Variants in PRRX2 observed in about 807,000 individuals in gnomAD.
PRRX2 encodes paired related homeobox 2.
In PRRX2, 11 loss-of-function variants were observed where a neutral mutation model predicts 18.0. The observed-to-expected ratio is 0.61, with a 90% confidence interval of 0.39 to 1.01. PRRX2 has a LOEUF of 1.01. Ranked by LOEUF, PRRX2 falls within the 50% of genes least tolerant of loss-of-function variation. The probability of loss-of-function intolerance (pLI) is 0.01; values close to 1 mark genes in which losing one functional copy is unlikely to be tolerated. For missense variants in PRRX2, 387 were observed against 351.0 expected (o/e 1.10, Z -0.82); for synonymous variants, 177 against 154.8 (o/e 1.14, Z -1.06).
chr9:129,718,219 G>A (rs911530897), intron 1 of PRRX2, among the ~76,000 whole-genome samples: 3 of 152,062 alleles, frequency 2.0e-5, no homozygotes, highest in African/African-American at 7.2e-5. Flanking sequence ...ATCCTCCACC[G>A]CCCCTGCTGG....
At chr9:129,666,815 G>C (rs1464674944) in intron 1 of PRRX2, among the ~76,000 whole-genome samples, 1 of 152,202 alleles carries the variant, frequency 6.6e-6, no homozygotes, top group South Asian at 2.1e-4. Context: ...CGGTTCAGTG[G>C]GGGAGGGGAG....
chr9:129,684,509 CACACACACA>C (rs770837105), intron 1 of PRRX2, among the ~76,000 whole-genome samples: 3 of 53,976 alleles, frequency 5.6e-5, no homozygotes, highest in South Asian at 1.0e-3. Context: ...CACACACACA[CACACACACA>C]CACACCCACA....
At chr9:129,687,470 A>T (rs567218061) in intron 1 of PRRX2, among the ~76,000 whole-genome samples, 3 of 152,264 alleles carry the variant, frequency 2.0e-5, no homozygotes, top group African/African-American at 7.2e-5. Flanking sequence ...CACAGAGAGG[A>T]GGAGCCGCGT....
chr9:129,700,775 G>C (rs1832483950), intron 1 of PRRX2, among the ~76,000 whole-genome samples: 1 of 152,104 alleles, frequency 6.6e-6, no homozygotes, highest in Non-Finnish European at 1.5e-5. Context: ...GTGCCACCAT[G>C]CCCGGCTAAT....
rs1291907157 is a variant in PRRX2, at chr9:129,695,236, A to T, written c.260-23995A>T. 6.6e-6 allele frequency among the ~76,000 whole-genome samples: 1 copy of T among 152,024 alleles called. No homozygotes were observed. Among genetic ancestry groups the T allele is most frequent in the Non-Finnish European group, 1.5e-5 (1 of 67,980 alleles). Reference sequence around the variant, plus strand: ...CGTGAGTGTGGATAGGTGGCCCGTAATCAACACTCCCTCCAGAGGTTTCTG... The same window carrying T: ...CGTGAGTGTGGATAGGTGGCCCGTATTCAACACTCCCTCCAGAGGTTTCTG... On this transcript the variant is annotated intron_variant, in intron 1 of 3. Transcript: ENST00000372469. The surrounding 1 kb of genome is among the most constrained non-coding windows in gnomAD (Gnocchi z 4.8).
At chr9:129,699,037 C>T (rs1832463911) in intron 1 of PRRX2, among the ~76,000 whole-genome samples, 1 of 152,252 alleles carries the variant, frequency 6.6e-6, no homozygotes, top group Non-Finnish European at 1.5e-5. Context: ...TGTGCCTGTT[C>T]CTCTGACTAT....
rs1832803246 is a variant in PRRX2 at position 129,722,275 on chromosome 9, G to T, written c.685G>T (p.Ala229Ser). ...SGPATPGVNM[A>S]NSIASLRLKA... ...CCCCGCAACCCCAGGGGTCAACATG[G>T]CCAACAGCATCGCCAGCCTCCGTCT... is the stretch of plus-strand genomic sequence containing the variant. Residue 229 changes from alanine (A) to serine (S), a missense_variant, in exon 4 of 4, where the codon GCC becomes TCC. Physicochemically the swap from Ala to Ser is moderately conservative, Grantham distance 99 (BLOSUM62 1). Coordinates refer to ENST00000372469, the MANE Select transcript of PRRX2 (RefSeq NM_016307.4). 10 of 1,613,986 alleles carry T rather than the reference G, an allele frequency of 6.2e-6. No individual in the cohort carries two copies. Among genetic ancestry groups the T allele is most frequent in the Non-Finnish European group, 8.5e-6 (10 of 1,180,006 alleles).
intron 1 of PRRX2, among the ~76,000 whole-genome samples, chr9:129,706,148 A>G (rs1439599514): frequency 2.0e-5 from 3 of 152,096 alleles, no homozygotes; most frequent in African/African-American, 7.2e-5. Context: ...TCACCCATTT[A>G]AAGTGCACAG....
At chr9:129,714,073 C>CA (rs1294481944) in intron 1 of PRRX2, among the ~76,000 whole-genome samples, 1 of 151,446 alleles carries the variant, frequency 6.6e-6, no homozygotes, top group Non-Finnish European at 1.5e-5. Flanking sequence ...GAGGCCAAGG[C>CA]AGGTGGATCA....
At chr9:129,702,180 G>A (rs1437450142) in intron 1 of PRRX2, among the ~76,000 whole-genome samples, 1 of 152,024 alleles carries the variant, frequency 6.6e-6, no homozygotes, top group Non-Finnish European at 1.5e-5. Context: ...GGTGGATCAC[G>A]AGGTCAGGAG....
chr9:129,684,455 CA>C (rs879897207), intron 1 of PRRX2, among the ~76,000 whole-genome samples: 8,411 of 140,920 alleles, frequency 0.06, 463 homozygotes, highest in East Asian at 0.18. Context: ...CACACACACA[CA>C]CACCCAACAG....
At chr9:129,673,620 A>C (rs1015729170) in intron 1 of PRRX2, among the ~76,000 whole-genome samples, 1 of 151,426 alleles carries the variant, frequency 6.6e-6, no homozygotes, top group Admixed American at 6.6e-5. Context: ...ACTCCCAGAC[A>C]CAAAGACACA....
intron 1 of PRRX2, among the ~76,000 whole-genome samples, chr9:129,708,178 G>A (rs764692177): frequency 2.2e-4 from 33 of 152,136 alleles, no homozygotes; most frequent in Non-Finnish European, 4.4e-5. Context: ...TGGGATTTCA[G>A]GTACCTGCCA....
rs1414894220 is a variant in PRRX2, at chr9:129,675,527, G to T, written c.259+9401G>T. ...CCTGCTACCCTCCCTCCCCCATGGG[G>T]TCCCCTCAAAGGGCTCTCTTGGGGA... On this transcript the variant is annotated intron_variant, in intron 1 of 3. Coordinates refer to ENST00000372469, the MANE Select transcript of PRRX2 (RefSeq NM_016307.4). This position sits in a 1 kb window ranked among gnomAD's most constrained non-coding sequence, Gnocchi z 4.4. 6.6e-6 allele frequency among the ~76,000 whole-genome samples: 1 copy of T among 151,658 alleles called. No individual in the cohort carries two copies. Among genetic ancestry groups the T allele is most frequent in the Non-Finnish European group, 1.5e-5 (1 of 67,836 alleles).
chr9:129,701,495 C>A (rs759199988), intron 1 of PRRX2, among the ~76,000 whole-genome samples: 1 of 152,176 alleles, frequency 6.6e-6, no homozygotes, highest in African/African-American at 2.4e-5. Flanking sequence ...TCCAGGAAAG[C>A]GGGATATGGT....
intron 1 of PRRX2, among the ~76,000 whole-genome samples, chr9:129,687,038 A>AG (rs1170488088): frequency 6.6e-6 from 1 of 152,080 alleles, no homozygotes; most frequent in African/African-American, 2.4e-5. Flanking sequence ...AGCCCCCTGC[A>AG]GAGGGGGTGG....
At chr9:129,716,032 G>A (rs1832702551) in intron 1 of PRRX2, among the ~76,000 whole-genome samples, 1 of 152,102 alleles carries the variant, frequency 6.6e-6, no homozygotes, top group Admixed American at 6.6e-5. Flanking sequence ...TACAAGGTAT[G>A]GACTAAAATC....
chr9:129,716,814 G>T (rs1201898734), intron 1 of PRRX2, among the ~76,000 whole-genome samples: 1 of 151,992 alleles, frequency 6.6e-6, no homozygotes, highest in African/African-American at 2.4e-5. Context: ...TGTTATATTT[G>T]CAAAAAGCAA....
At chr9:129,702,016 G>A (rs1050693818) in intron 1 of PRRX2, among the ~76,000 whole-genome samples, 3 of 152,116 alleles carry the variant, frequency 2.0e-5, no homozygotes, top group Non-Finnish European at 2.9e-5. Context: ...CAGGAGAATC[G>A]CTTGAACCCG....
Sources: allele counts gnomAD v4.1 joint callset (sites outside exome capture counted in the v4.1 genomes callset), GRCh38; gene constraint gnomAD v4.1.1; non-coding constraint Gnocchi (gnomAD v3.1); transcripts MANE v1.5; gene names NCBI Gene and HGNC (gene_info 2026-07-23, HGNC 2026-07-21).